The following CADPS2 variants were observed in gnomAD, a reference collection of about 807,000 sequenced individuals.
CADPS2 encodes the protein calcium-dependent secretion activator 2.
CADPS2 carries 93 observed loss-of-function variants against 172.5 expected under a neutral mutation model. That is an observed-to-expected ratio of 0.54 (90% CI 0.46 to 0.64). CADPS2 has a LOEUF of 0.64. Among genes scored for constraint, CADPS2 ranks in the 30% least tolerant of loss-of-function variants. CADPS2 has a pLI of 0.00. For missense variants in CADPS2, 1,420 were observed against 1,565.9 expected (o/e 0.91, Z 1.57); for synonymous variants, 546 against 555.2 (o/e 0.98, Z 0.23).
At chr7:122,858,878 G>A (rs553659218) in intron 1 of CADPS2, among the ~76,000 whole-genome samples, 2 of 152,160 alleles carry the variant, frequency 1.3e-5, no homozygotes, top group South Asian at 4.1e-4. Context: ...TATCTTTAAT[G>A]AGAAAAAAAA....
At chr7:122,428,722 G>A (rs2049501973) in intron 17 of CADPS2, among the ~76,000 whole-genome samples, 2 of 151,978 alleles carry the variant, frequency 1.3e-5, no homozygotes, top group Admixed American at 6.6e-5. Context: ...GCCCACCTTG[G>A]CCTCCCAAAG....
intron 9 of CADPS2, among the ~76,000 whole-genome samples, chr7:122,494,733 G>A (rs927103897): frequency 1.3e-5 from 2 of 151,998 alleles, no homozygotes; most frequent in Non-Finnish European, 2.9e-5. Context: ...CTTAATGGGA[G>A]AGATTGAGGC....
chr7:122,608,661 A>G (rs1270577266), intron 6 of CADPS2, among the ~76,000 whole-genome samples: 1 of 152,088 alleles, frequency 6.6e-6, no homozygotes, highest in Non-Finnish European at 1.5e-5. Context: ...TTGTCTTTTT[A>G]TTACTTTCAG....
Position 122,621,480 on chromosome 7 carries a change from C to T in CADPS2, c.1104+1G>A. On this transcript the variant is annotated splice_donor_variant, in intron 5 of 29. Coordinates refer to ENST00000449022, the MANE Select transcript of CADPS2 (RefSeq NM_017954.11). LOFTEE classifies it high-confidence loss of function. ...GGTGAGCATGAGATAAAGCTACTTA[C>T]CTCTAAGGTGAATGACAGTACCACG... 1 of 1,597,472 alleles carries T rather than the reference C, an allele frequency of 6.3e-7. No homozygotes were observed. Among genetic ancestry groups the T allele is most frequent in the Non-Finnish European group, 8.6e-7 (1 of 1,165,464 alleles).
At chr7:122,450,184 C>T (rs1323646731) in intron 15 of CADPS2, among the ~76,000 whole-genome samples, 1 of 152,092 alleles carries the variant, frequency 6.6e-6, no homozygotes, top group Non-Finnish European at 1.5e-5. Flanking sequence ...AACATATTCA[C>T]TAAGTTTATT....
rs201047624 is a variant in CADPS2, at chr7:122,593,019, T to TAAAG, written c.1224-11730_1224-11729insCTTT. ...ATAAATAAATAAATAAATAAATAAA[T>TAAAG]GTATTTGAAATTCCAACTTGAGATA... On this transcript the variant is annotated intron_variant, in intron 6 of 29. Transcript: ENST00000449022. Among the ~76,000 whole-genome samples, 175 of 151,558 alleles carry TAAAG rather than the reference T, an allele frequency of 1.2e-3. 2 individuals are homozygous for TAAAG. The highest frequency in any genetic ancestry group is 1.6e-3 in the African/African-American group (66 of 41,334).
chr7:122,869,318 A>G (rs1819131101), intron 1 of CADPS2, among the ~76,000 whole-genome samples: 1 of 152,130 alleles, frequency 6.6e-6, no homozygotes. Flanking sequence ...GAAAATATTG[A>G]AAAATCTGCA....
chr7:122,567,433 G>A (rs1025696824), intron 7 of CADPS2, among the ~76,000 whole-genome samples: 17 of 152,122 alleles, frequency 1.1e-4, no homozygotes, highest in African/African-American at 3.9e-4. Flanking sequence ...TTGGTGTGAT[G>A]CACACATGCA....
chr7:122,807,349 C>G (rs1190403819), intron 1 of CADPS2, among the ~76,000 whole-genome samples: 24 of 152,232 alleles, frequency 1.6e-4, no homozygotes, highest in Non-Finnish European at 2.9e-5. Flanking sequence ...CTGGGCCCAC[C>G]TGAACCCATG....
intron 25 of CADPS2, among the ~76,000 whole-genome samples, chr7:122,372,027 G>A (rs1459298329): frequency 1.3e-5 from 2 of 152,058 alleles, no homozygotes; most frequent in African/African-American, 4.8e-5. Context: ...ACAATGCATT[G>A]GCCACTGTTC....
chr7:122,882,571 A>G (rs977143122), intron 1 of CADPS2, among the ~76,000 whole-genome samples: 2 of 150,948 alleles, frequency 1.3e-5, no homozygotes, highest in African/African-American at 4.9e-5. Flanking sequence ...TATGTTGGTC[A>G]TTATGCTTAT....
chr7:122,658,459 T>C (rs1182166947), intron 3 of CADPS2, among the ~76,000 whole-genome samples: 1 of 152,204 alleles, frequency 6.6e-6, no homozygotes, highest in African/African-American at 2.4e-5. Context: ...TGAGGCACTA[T>C]TCACAATAGC....
At chr7:122,741,567 C>G (rs567515721) in intron 1 of CADPS2, among the ~76,000 whole-genome samples, 1 of 152,258 alleles carries the variant, frequency 6.6e-6, no homozygotes, top group East Asian at 1.9e-4. Flanking sequence ...TACCTTGACT[C>G]TGTGTCTATT....
chr7:122,845,522 T>C (rs1224793184), intron 1 of CADPS2, among the ~76,000 whole-genome samples: 3 of 152,164 alleles, frequency 2.0e-5, no homozygotes, highest in African/African-American at 4.8e-5. Context: ...CCCCGGAGTA[T>C]GAAAATGCCA....
chr7:122,632,756 A>C (rs986104913), intron 3 of CADPS2, among the ~76,000 whole-genome samples: 6 of 152,192 alleles, frequency 3.9e-5, no homozygotes, highest in African/African-American at 1.4e-4. Context: ...GGACTTAGCC[A>C]TAAGTTATTT....
intron 6 of CADPS2, among the ~76,000 whole-genome samples, chr7:122,587,753 T>C (rs1231254538): frequency 8.6e-5 from 13 of 151,820 alleles, no homozygotes; most frequent in African/African-American, 2.9e-4. Flanking sequence ...TAACCAGTAA[T>C]GGATTTCTGG....
chr7:122,532,183 T>G (rs2061820786), intron 8 of CADPS2, among the ~76,000 whole-genome samples: 1 of 152,168 alleles, frequency 6.6e-6, no homozygotes, highest in Admixed American at 6.5e-5. Flanking sequence ...AACAAATGAT[T>G]TATCTCAAAT....
At chr7:122,461,195 C>T (rs762751025) in intron 14 of CADPS2, among the ~76,000 whole-genome samples, 11 of 152,178 alleles carry the variant, frequency 7.2e-5, no homozygotes, top group Admixed American at 5.2e-4. Context: ...TGGAAAAATA[C>T]GTAGATAGAA....
intron 2 of CADPS2, chr7:122,698,259 G>A (rs1309225541): frequency 6.2e-7 from 1 of 1,613,820 alleles, no homozygotes. Context: ...GCCATCTCCG[G>A]TTCTGAATCC....
Sources: allele counts gnomAD v4.1 joint callset (sites outside exome capture counted in the v4.1 genomes callset), GRCh38; gene constraint gnomAD v4.1.1; transcripts MANE v1.5; gene names NCBI Gene and HGNC (gene_info 2026-07-23, HGNC 2026-07-21).